GAS6: variants seen among roughly 807,000 people sequenced by gnomAD.
The protein encoded by GAS6 is growth arrest-specific protein 6.
In GAS6, 41 loss-of-function variants were observed where a neutral mutation model predicts 75.8. The observed-to-expected ratio is 0.54, with a 90% CI of 0.42 to 0.70. GAS6 has a LOEUF of 0.70. Ranked by LOEUF, GAS6 falls within the 30% of genes least tolerant of loss-of-function variation. The probability of loss-of-function intolerance (pLI) is 0.00; values close to 1 mark genes in which losing one functional copy is unlikely to be tolerated. For synonymous variants in GAS6, 432 were observed against 412.6 expected (o/e 1.05, Z -0.57); for missense variants, 854 against 940.2 (o/e 0.91, Z 1.20).
intron 12 of GAS6, among the ~76,000 whole-genome samples, chr13:113,824,082 AGCTGTCAGGAGCACCCGCGGTCTGAGT>A (rs2051499012): frequency 1.6e-5 from 2 of 124,600 alleles, no homozygotes; most frequent in African/African-American, 7.5e-5. Context: ...CTGGGGTCTG[AGCTGTCAGGAGCACCCGCGGTCTGAGT>A]TCTGAGCTGT....
intron 8 of GAS6, 54 bp from the exon 9 acceptor site, chr13:113,832,806 CCT>C (rs746194475): frequency 1.4e-4 from 227 of 1,609,904 alleles, no homozygotes; most frequent in Middle Eastern, 1.6e-4. Context: ...CTCCTGCTCC[CCT>C]GAGCCCCACG....
intron 12 of GAS6, among the ~76,000 whole-genome samples, chr13:113,826,510 AG>A (rs2051545544): frequency 9.9e-6 from 1 of 100,738 alleles, no homozygotes; most frequent in Non-Finnish European, 2.1e-5. Context: ...CCGGCCTCGC[AG>A]GCACCTTCTC....
Position 113,832,710 on chromosome 13 carries a change from TCA to T in GAS6, c.875_876del (p.Val292GlufsTer30). The T allele has an allele frequency of 6.2e-7, 1 of 1,612,754 alleles. No homozygotes were observed. Among genetic ancestry groups the T allele is most frequent in the Non-Finnish European group, 8.5e-7 (1 of 1,179,962 alleles). ...AACATCCGGCCCAGGTACAAGGACT[TCA>T]CACTCTTGGCCACGCTGAAGGGCAC... ...PCVPFSVAKS[V>X]KSLYLGRMFS... On this transcript the variant is annotated frameshift_variant, in exon 9 of 15. Transcript: ENST00000327773.
At chr13:113,821,217 G>T in intron 14 of GAS6, 199 bp from the exon 15 acceptor site, 1 of 608,524 alleles carries the variant, frequency 1.6e-6, no homozygotes, top group Non-Finnish European at 2.9e-6. Flanking sequence ...TGCCAGCCTG[G>T]GCTCTGCAGA....
At chr13:113,831,351 C>T (rs7997840) in intron 10 of GAS6, among the ~76,000 whole-genome samples, 17,654 of 151,834 alleles carry the variant, frequency 0.12, 1,295 homozygotes, top group South Asian at 0.3. Context: ...GGGACCGCAG[C>T]GTCCACGCCG....
In GAS6 at chr13:113,835,604, G is replaced by A. The variant is rs149466110; in HGVS notation, c.621C>T (p.Cys207=). The A allele has an allele frequency of 3.9e-5, 63 of 1,612,294 alleles. No homozygotes were observed. The highest frequency in any genetic ancestry group is 4.7e-5 in the Non-Finnish European group (55 of 1,179,860). Residue 207 remains cysteine (C), a synonymous_variant, in exon 7 of 15, where the codon TGC becomes TGT. Coordinates refer to ENST00000327773, the MANE Select transcript of GAS6 (RefSeq NM_000820.4). ...DIDECADSEA[C]GEARCKNLPG... is the part of the protein sequence containing the mutation. ...GCAGGTTCTTGCAGCGCGCCTCCCC[G>A]CAGGCCTCCGAGTCTGCGCACTCGT...
rs2051731856 is a variant in GAS6, at chr13:113,837,724, T to C, written c.589+345A>G. Reference sequence around the variant, plus strand: ...AGTGGACGGCGGGGGGACCCTAGCCTGGAGCCCTGACCCACAAGCTCACTA... The same window carrying C: ...AGTGGACGGCGGGGGGACCCTAGCCCGGAGCCCTGACCCACAAGCTCACTA... On this transcript the variant is annotated intron_variant, in intron 6 of 14. Coordinates refer to ENST00000327773, the MANE Select transcript of GAS6 (RefSeq NM_000820.4). The surrounding 1 kb of genome is among the most constrained non-coding windows in gnomAD (Gnocchi z 5.1). Among the ~76,000 whole-genome samples the C allele has an allele frequency of 6.6e-6, 1 of 152,098 alleles. No individual in the cohort carries two copies. The highest frequency in any genetic ancestry group is 1.5e-5 in the Non-Finnish European group (1 of 68,010).
At chr13:113,839,675 G>A in intron 5 of GAS6, 53 bp downstream of exon 5, 1 of 1,602,252 alleles carries the variant, frequency 6.2e-7, no homozygotes, top group Middle Eastern at 1.7e-4. Context: ...GCGGGGATCA[G>A]GGCAGGGTCG....
At chr13:113,842,374 A>AGGGGCT (rs1491500075) in intron 4 of GAS6, 3 of 390,404 alleles carry the variant, frequency 7.7e-6, no homozygotes, top group Non-Finnish European at 1.3e-5. Context: ...TGAAGCACAC[A>AGGGGCT]GGGGCTGGGG....
chr13:113,826,951 GA>G, intron 12 of GAS6, 44 bp downstream of exon 12: 2 of 1,558,020 alleles, frequency 1.3e-6, no homozygotes, highest in Non-Finnish European at 8.7e-7. Flanking sequence ...ATGCCTGTCT[GA>G]AGGTGCAGCC....
At chr13:113,853,094 A>G (rs1249524485) in intron 2 of GAS6, among the ~76,000 whole-genome samples, 1 of 152,216 alleles carries the variant, frequency 6.6e-6, no homozygotes, top group Non-Finnish European at 1.5e-5. Flanking sequence ...GGGAGGGCCC[A>G]TTCACTTTTT....
Position 113,837,272 on chromosome 13 carries a change from G to T in GAS6, c.589+797C>A, listed in dbSNP as rs1259675037. Among the ~76,000 whole-genome samples the T allele has an allele frequency of 1.1e-4, 16 of 152,064 alleles. No individual in the cohort carries two copies. Among genetic ancestry groups the T allele is most frequent in the Non-Finnish European group, 1.5e-5 (1 of 67,988 alleles). ...GAAATAGCAGCTGCCTTTTGAAATC[G>T]GGGGATGGGGTGTGGCCCCTCCTGT... On this transcript the variant is annotated intron_variant, in intron 6 of 14. Coordinates refer to ENST00000327773, the MANE Select transcript of GAS6 (RefSeq NM_000820.4). The surrounding 1 kb of genome is among the most constrained non-coding windows in gnomAD (Gnocchi z 5.1).
chr13:113,851,234 A>G (rs7984783), intron 2 of GAS6, among the ~76,000 whole-genome samples: 2 of 151,976 alleles, frequency 1.3e-5, no homozygotes, highest in African/African-American at 2.4e-5. Flanking sequence ...TGGATGGATG[A>G]ATGAATAAAA....
chr13:113,850,911 T>C (rs956715155), intron 2 of GAS6, among the ~76,000 whole-genome samples: 9 of 152,042 alleles, frequency 5.9e-5, no homozygotes, highest in African/African-American at 2.2e-4. Flanking sequence ...AATCGGTGGA[T>C]AGATTAGTGA....
chr13:113,824,160 G>A (rs113943616), intron 12 of GAS6, among the ~76,000 whole-genome samples: 4 of 92,630 alleles, frequency 4.3e-5, no homozygotes, highest in African/African-American at 2.3e-4. Context: ...TCGGGAGCAC[G>A]CGTGGTCTGG....
At chr13:113,856,937 A>C (rs964747311) in intron 2 of GAS6, among the ~76,000 whole-genome samples, 6 of 152,232 alleles carry the variant, frequency 3.9e-5, no homozygotes, top group African/African-American at 1.2e-4. Context: ...GATGGGAGCC[A>C]GTCCCAGCCT....
intron 2 of GAS6, among the ~76,000 whole-genome samples, chr13:113,857,937 C>A (rs779570775): frequency 4.6e-5 from 7 of 152,238 alleles, no homozygotes; most frequent in Non-Finnish European, 7.3e-5. Flanking sequence ...GAGAGGGCTG[C>A]GGAGCCAGCA....
intron 2 of GAS6, among the ~76,000 whole-genome samples, chr13:113,862,236 G>A (rs1279723727): frequency 6.6e-6 from 1 of 152,250 alleles, no homozygotes; most frequent in Non-Finnish European, 1.5e-5. Flanking sequence ...GCCAGGCCTT[G>A]CAGGGCTGCG....
rs759224594 is a variant in GAS6 at position 113,835,478 on chromosome 13, C to CA, written c.712+34dup. On this transcript the variant is annotated intron_variant, in intron 7 of 14. Coordinates refer to ENST00000327773, the MANE Select transcript of GAS6 (RefSeq NM_000820.4). ...GGCACCCGTGTCTAGACTTGGGCGT[C>CA]AGAGAAAGCGAGGGTGACCGCGTGG... 3 of 1,605,388 alleles carry CA rather than the reference C, an allele frequency of 1.9e-6. No homozygotes were observed. The Admixed American group carries it at 5.0e-5, about 27-fold the overall frequency.
Sources: allele counts gnomAD v4.1 joint callset (sites outside exome capture counted in the v4.1 genomes callset), GRCh38; gene constraint gnomAD v4.1.1; non-coding constraint Gnocchi (gnomAD v3.1); transcripts MANE v1.5; gene names NCBI Gene and HGNC (gene_info 2026-07-23, HGNC 2026-07-21).